MRPS7: variants seen among roughly 807,000 people sequenced by gnomAD.
MRPS7 encodes small ribosomal subunit protein uS7m.
A neutral mutation model predicts 26.2 loss-of-function variants in MRPS7; 13 were observed. The ratio of observed to expected loss-of-function variants is 0.50; its 90% CI spans 0.32 to 0.79. The LOEUF (loss-of-function observed/expected upper bound fraction) is 0.79. MRPS7 is among the 30% of genes least tolerant of loss of function. The probability of loss-of-function intolerance (pLI) is 0.03; values close to 1 mark genes in which losing one functional copy is unlikely to be tolerated. For synonymous variants in MRPS7, 129 were observed against 113.3 expected, an observed-to-expected ratio of 1.14 and a Z score of -0.88; for missense variants, 318 against 312.2, an observed-to-expected ratio of 1.02 and a Z score of -0.14.
chr17:75,263,653 C>A, intron 4 of MRPS7, 146 bp downstream of exon 4: 1 of 1,043,068 alleles, frequency 9.6e-7, no homozygotes. Flanking sequence ...GAGCCTAATG[C>A]AGGATAGCTT....
chr17:75,265,209 T>G (rs1001383684), intron 4 of MRPS7, among the ~76,000 whole-genome samples: 2 of 50,030 alleles, frequency 4.0e-5, no homozygotes, highest in African/African-American at 1.1e-4. Flanking sequence ...CAGCTAATTT[T>G]TGCATTTTAG....
At chr17:75,264,811 C>T (rs2077460537) in intron 4 of MRPS7, among the ~76,000 whole-genome samples, 1 of 151,870 alleles carries the variant, frequency 6.6e-6, no homozygotes, top group Admixed American at 6.6e-5. Flanking sequence ...CCTGCCCACC[C>T]CAAGTAGCTG....
rs773305495 is a variant in MRPS7 at position 75,261,951 on chromosome 17, G to A, written c.51G>A (p.Leu17=). Residue 17 remains leucine, a synonymous_variant, in exon 1 of 5, where the codon TTG becomes TTA. Coordinates refer to ENST00000245539, the MANE Select transcript of MRPS7 (RefSeq NM_015971.4). ...CCCGAGGATGGTCGGGCCTGGCGTT[G>A]GGCGTGCGGCGGGCTGTCTTGCAGC... ...KVARGWSGLA[L]GVRRAVLQLP... is the part of the protein sequence containing the mutation. 8.1e-6 allele frequency: 13 copies of A among 1,608,298 alleles called. No individual in the cohort carries two copies. The South Asian group carries it at 1.3e-4, about 16-fold the overall frequency.
intron 4 of MRPS7, among the ~76,000 whole-genome samples, chr17:75,265,371 T>A (rs1486753458): frequency 6.6e-6 from 1 of 151,230 alleles, no homozygotes; most frequent in African/African-American, 2.4e-5. Context: ...GACAGGGTCT[T>A]GTTATATTGA....
At chr17:75,265,650 C>A in intron 4 of MRPS7, 52 bp from the exon 5 acceptor site, 1 of 1,540,228 alleles carries the variant, frequency 6.5e-7, no homozygotes, top group Non-Finnish European at 9.0e-7. Flanking sequence ...GCAGGAGGCC[C>A]CAAACCCTGG....
At position 75,263,351 on chromosome 17, in the gene MRPS7, T is replaced by A. The variant is rs374977999; in HGVS notation, c.351T>A (p.Ala117=). ...ATATTCTTTTGCAGACTCTGGAAGC[T>A]GTGAAAAGGAAGCAGTTTGAGAAGT... The part of the protein sequence containing the change: ...ARSLMIQTLE[A]VKRKQFEKYH... Residue 117 remains alanine (A), a synonymous_variant, in exon 4 of 5, where the codon GCT becomes GCA. Transcript: ENST00000245539. The A allele has an allele frequency of 4.3e-6, 7 of 1,613,976 alleles. No homozygotes were observed. The highest frequency in any genetic ancestry group is 2.7e-5 in the African/African-American group (2 of 74,916).
In MRPS7 at chr17:75,266,318, T is replaced by C. The variant is rs1344433172; in HGVS notation, c.*395T>C. 1 of 349,828 alleles carries C rather than the reference T, an allele frequency of 2.9e-6. No individual in the cohort carries two copies. The highest frequency in any genetic ancestry group is 4.4e-5 in the Admixed American group (1 of 22,804). 21.7% of individuals were successfully genotyped at this position (349,828 alleles called of 1,614,324 possible). On this transcript the variant is annotated 3_prime_UTR_variant, in exon 5 of 5. Transcript: ENST00000245539. ...ATTCAGTGAAACTGGCTGGAGGAAA[T>C]AGGCTTGTTTCCAGAGTTGTCCTTA...
rs200732026 is a variant in MRPS7, at chr17:75,265,955, G to T, written c.*32G>T. 20 of 1,596,070 alleles carry T rather than the reference G, an allele frequency of 1.3e-5. No homozygotes were observed. Among genetic ancestry groups the T allele is most frequent in the African/African-American group, 2.7e-5 (2 of 74,532 alleles). ...CAGGAGGAGCCCAGGGCCCTCTGCC[G>T]CAAGAAACAGTGTGAGCTACTGCCA... On this transcript the variant is annotated 3_prime_UTR_variant, in exon 5 of 5. Transcript: ENST00000245539.
Position 75,263,366 on chromosome 17 carries a change from G to A in MRPS7, c.366G>A (p.Gln122=), listed in dbSNP as rs367659034. The A allele has an allele frequency of 6.2e-7, 1 of 1,614,108 alleles. No individual in the cohort carries two copies. The highest frequency in any genetic ancestry group is 2.2e-5 in the East Asian group (1 of 44,876). The part of the protein sequence containing the change: ...IQTLEAVKRK[Q]FEKYHAASAE... The stretch of plus-strand genomic sequence containing the variant: ...CTCTGGAAGCTGTGAAAAGGAAGCA[G>A]TTTGAGAAGTACCATGCCGCTTCTG... The change falls in exon 4 of 5, where the codon CAG becomes CAA. Residue 122 remains glutamine, a synonymous_variant. Coordinates refer to ENST00000245539, the MANE Select transcript of MRPS7 (RefSeq NM_015971.4).
intron 4 of MRPS7, 108 bp downstream of exon 4, chr17:75,263,615 G>A: frequency 7.3e-7 from 1 of 1,375,492 alleles, no homozygotes; most frequent in East Asian, 2.3e-5. Context: ...GGTGCAGTGG[G>A]ATTGCACCTG....
At chr17:75,262,058 C>T (rs1598474845) in intron 1 of MRPS7, 75 bp downstream of exon 1, 1 of 1,535,754 alleles carries the variant, frequency 6.5e-7, no homozygotes, top group Non-Finnish European at 8.9e-7. Flanking sequence ...GCGTGGGCCC[C>T]TAGAGAGAGC....
intron 1 of MRPS7, chr17:75,262,241 G>C (rs1417603747): frequency 9.4e-6 from 6 of 638,430 alleles, no homozygotes; most frequent in African/African-American, 5.5e-5. Context: ...GGGATCGCCT[G>C]TGAATTGGGA....
At chr17:75,265,657 C>T (rs368590346) in intron 4 of MRPS7, 45 bp from the exon 5 acceptor site, 46 of 1,560,422 alleles carry the variant, frequency 2.9e-5, no homozygotes, top group Non-Finnish European at 3.9e-5. Flanking sequence ...GCCCCAAACC[C>T]TGGCAGACTC....
At position 75,266,103 on chromosome 17, in the gene MRPS7, C is replaced by T. The variant is rs1567818530; in HGVS notation, c.*180C>T. 9.7e-6 allele frequency: 6 copies of T among 618,648 alleles called. No individual in the cohort carries two copies. The highest frequency in any genetic ancestry group is 1.7e-5 in the Non-Finnish European group (6 of 354,550). 38.3% of individuals were successfully genotyped at this position (618,648 alleles called of 1,614,324 possible). A position where few individuals can be genotyped will look rare whatever the true frequency, so the allele number is the denominator to read the frequency against. On this transcript the variant is annotated 3_prime_UTR_variant, in exon 5 of 5. Transcript: ENST00000245539. The stretch of plus-strand genomic sequence containing the variant: ...CTTCTTTCTTTGAGGCTGGAACTTG[C>T]TCTCTCTGCCCCTATTTCCTTGTAA...
At chr17:75,264,388 C>A (rs2077454794) in intron 4 of MRPS7, 1 of 152,114 alleles carries the variant, frequency 6.6e-6, no homozygotes, top group African/African-American at 2.4e-5. Context: ...TCTTTGTATG[C>A]CAGTGTTTGG....
intron 3 of MRPS7, 41 bp from the exon 4 acceptor site, chr17:75,263,299 A>G (rs1367153064): frequency 6.2e-7 from 1 of 1,611,668 alleles, no homozygotes; most frequent in South Asian, 1.1e-5. Context: ...TAAACCCTTT[A>G]GGGAGCCTGG....
In MRPS7 at chr17:75,266,258, T is replaced by C; in HGVS notation, c.*335T>C. On this transcript the variant is annotated 3_prime_UTR_variant, in exon 5 of 5. Coordinates refer to ENST00000245539, the MANE Select transcript of MRPS7 (RefSeq NM_015971.4). ...GTATCAGAAAAGATTTATTAGAAAA[T>C]TCTCACGCTGAACTGGTGTAGCATG... The C allele has an allele frequency of 2.6e-6, 1 of 384,468 alleles. No homozygotes were observed. The highest frequency in any genetic ancestry group is 2.6e-5 in the South Asian group (1 of 38,118). 23.8% of individuals were successfully genotyped at this position (384,468 alleles called of 1,614,324 possible). A position where few individuals can be genotyped will look rare whatever the true frequency, so the allele number is the denominator to read the frequency against.
In MRPS7 at chr17:75,266,210, G is replaced by A. The variant is rs945198745; in HGVS notation, c.*287G>A. ...TCCCTTAGGTTGGGGCGGACCTTTG[G>A]ATATATAAAGGAAGCAGTTTTAGTA... On this transcript the variant is annotated 3_prime_UTR_variant, in exon 5 of 5. Coordinates refer to ENST00000245539, the MANE Select transcript of MRPS7 (RefSeq NM_015971.4). 8.0e-6 allele frequency: 4 copies of A among 500,940 alleles called. No individual in the cohort carries two copies. Among genetic ancestry groups the A allele is most frequent in the Non-Finnish European group, 1.4e-5 (4 of 278,430 alleles). 31.0% of individuals were successfully genotyped at this position (500,940 alleles called of 1,614,324 possible).
rs774900439 is a variant in MRPS7, at chr17:75,261,959, G to T, written c.59G>T (p.Arg20Leu). ...TGGTCGGGCCTGGCGTTGGGCGTGC[G>T]GCGGGCTGTCTTGCAGCTTCCAGGG... ...RGWSGLALGV[R>L]RAVLQLPGLT... The change falls in exon 1 of 5, where the codon CGG becomes CTG. Residue 20 changes from arginine (R) to leucine (L), a missense_variant. By Grantham distance (102) the Arg-to-Leu change is moderately radical. Coordinates refer to ENST00000245539, the MANE Select transcript of MRPS7 (RefSeq NM_015971.4). 6.2e-7 allele frequency: 1 copy of T among 1,607,286 alleles called. No homozygotes were observed. Among genetic ancestry groups the T allele is most frequent in the Admixed American group, 1.7e-5 (1 of 59,956 alleles).
Sources: gnomAD v4.1 joint callset for allele counts (sites outside exome capture counted in the v4.1 genomes callset) on GRCh38, gnomAD v4.1.1 for gene constraint, MANE v1.5 for transcripts, NCBI Gene and HGNC (gene_info 2026-07-23, HGNC 2026-07-21) for gene names.